AGPAT2: variants seen among roughly 807,000 people sequenced by gnomAD.
The protein encoded by AGPAT2 is 1-acylglycerol-3-phosphate O-acyltransferase 2.
AGPAT2 carries 18 observed loss-of-function variants against 26.1 expected under a neutral mutation model. The observed-to-expected ratio is 0.69, with a 90% CI of 0.48 to 1.02. The LOEUF (loss-of-function observed/expected upper bound fraction) is 1.02, where lower values mean the gene tolerates loss of function less well. Ranked by LOEUF, AGPAT2 falls within the 50% of genes least tolerant of loss-of-function variation. AGPAT2 has a pLI of 0.00. For synonymous variants in AGPAT2, 200 were observed against 174.2 expected, an observed-to-expected ratio of 1.15 and a Z score of -1.16; for missense variants, 415 against 394.9, an observed-to-expected ratio of 1.05 and a Z score of -0.43.
chr9:136,674,306 G>A (rs915938283), intron 5 of AGPAT2, among the ~76,000 whole-genome samples: 12 of 152,336 alleles, frequency 7.9e-5, no homozygotes, highest in Admixed American at 5.2e-4. Flanking sequence ...CCACTGTCCT[G>A]CCTGGGCACC....
rs1846043698 is a variant in AGPAT2 at position 136,673,743 on chromosome 9, T to C, written c.*9A>G. The C allele has an allele frequency of 6.4e-7, 1 of 1,573,508 alleles. No homozygotes were observed. On this transcript the variant is annotated 3_prime_UTR_variant, in exon 6 of 6. Coordinates refer to ENST00000371696, the MANE Select transcript of AGPAT2 (RefSeq NM_006412.4). ...GCCCTCCCCAGGTCATGCCCTGCCG[T>C]GGTCTGGGCTACTGGGCCGGCTGCA...
chr9:136,678,748 G>A (rs1157563373), intron 1 of AGPAT2, among the ~76,000 whole-genome samples: 2 of 151,962 alleles, frequency 1.3e-5, no homozygotes, highest in African/African-American at 4.8e-5. Context: ...GTTTTAACAG[G>A]GTCTTGCTCT....
At chr9:136,681,916 G>A (rs1039401631) in intron 1 of AGPAT2, among the ~76,000 whole-genome samples, 1 of 152,150 alleles carries the variant, frequency 6.6e-6, no homozygotes, top group African/African-American at 2.4e-5. Flanking sequence ...CGCCTTCTAA[G>A]CACAGAGGCC....
At chr9:136,685,980 C>G (rs1276083682) in intron 1 of AGPAT2, among the ~76,000 whole-genome samples, 1 of 152,240 alleles carries the variant, frequency 6.6e-6, no homozygotes, top group Non-Finnish European at 1.5e-5. Flanking sequence ...GTGTGCGCTC[C>G]CCGGGACCCC....
rs1003229436 is a variant in AGPAT2, at chr9:136,673,844, G to A, written c.745C>T (p.His249Tyr). The change falls in exon 6 of 6, where the codon CAC becomes TAC. Residue 249 changes from histidine (H) to tyrosine (Y), a missense_variant. His to Tyr is a moderately conservative substitution (Grantham distance 83). Coordinates refer to ENST00000371696, the MANE Select transcript of AGPAT2 (RefSeq NM_006412.4). ...AGGAAGGTGGTCCTCATGGCCCGGT[G>A]GCAGGTGTCCACGAGCGCAGGGACG... Reference protein sequence around the residue: ...ADVPALVDTCHRAMRTTFLHI... With the variant: ...ADVPALVDTCYRAMRTTFLHI... 4 of 1,606,450 alleles carry A rather than the reference G, an allele frequency of 2.5e-6. No homozygotes were observed. The highest frequency in any genetic ancestry group is 3.4e-6 in the Non-Finnish European group (4 of 1,178,156).
intron 1 of AGPAT2, among the ~76,000 whole-genome samples, chr9:136,680,754 C>T (rs1276135823): frequency 6.6e-6 from 1 of 151,986 alleles, no homozygotes; most frequent in African/African-American, 2.4e-5. Flanking sequence ...ACTGCCATTT[C>T]CACCTCCCGG....
At chr9:136,676,720 G>A (rs745966705) in intron 3 of AGPAT2, 40 bp from the exon 4 acceptor site, 3 of 1,591,000 alleles carry the variant, frequency 1.9e-6, no homozygotes, top group Non-Finnish European at 2.6e-6. Context: ...TCACGCCCAG[G>A]CCACCCCAGA....
rs765693486 is a variant in AGPAT2, at chr9:136,677,533, C to A, written c.206G>T (p.Ser69Ile). 1.2e-6 allele frequency: 2 copies of A among 1,612,910 alleles called. No homozygotes were observed. The highest frequency in any genetic ancestry group is 8.5e-7 in the Non-Finnish European group (1 of 1,179,930). Residue 69 changes from serine to isoleucine, a missense_variant, in exon 2 of 6, where the codon AGC (serine) becomes ATC (isoleucine). Coordinates refer to ENST00000371696, the MANE Select transcript of AGPAT2 (RefSeq NM_006412.4). ...NMSIIGWFVR[S>I]FKYFYGLRFE... ...GCGGAGCCCGTAAAAGTACTTGAAG[C>A]TTCGCACGAACCAGCCGATGATGCT...
intron 1 of AGPAT2, among the ~76,000 whole-genome samples, chr9:136,684,590 T>C (rs971506140): frequency 1.3e-5 from 2 of 152,054 alleles, no homozygotes; most frequent in African/African-American, 2.4e-5. Context: ...GGGCAGCCAT[T>C]GCTCAGGGGC....
chr9:136,673,515 T>G lies in AGPAT2; in HGVS notation c.*237A>C. On this transcript the variant is annotated 3_prime_UTR_variant, in exon 6 of 6. Transcript: ENST00000371696. ...ATCATCCCAGCTCCCAGAGGTGCCGTGGGCGCGAGTCCCTGCCCTCGAGCC... is the reference window on the plus strand; with the variant it reads ...ATCATCCCAGCTCCCAGAGGTGCCGGGGGCGCGAGTCCCTGCCCTCGAGCC... 1 of 414,206 alleles carries G rather than the reference T, an allele frequency of 2.4e-6. No homozygotes were observed. Among genetic ancestry groups the G allele is most frequent in the African/African-American group, 2.1e-5 (1 of 48,714 alleles). The allele number at this position is 414,206 out of a possible 1,614,324, so 25.7% of individuals were successfully genotyped here.
At chr9:136,685,464 T>C (rs1846210344) in intron 1 of AGPAT2, among the ~76,000 whole-genome samples, 2 of 152,230 alleles carry the variant, frequency 1.3e-5, no homozygotes, top group African/African-American at 4.8e-5. Context: ...CAGAGGCCCC[T>C]GCAGAACAAG....
At position 136,677,067 on chromosome 9, in the gene AGPAT2, A is replaced by G. The variant is rs755055909; in HGVS notation, c.386T>C (p.Val129Ala). 1.2e-6 allele frequency: 2 copies of G among 1,613,166 alleles called. No individual in the cohort carries two copies. Among genetic ancestry groups the G allele is most frequent in the East Asian group, 2.2e-5 (1 of 44,880 alleles). Residue 129 changes from valine (V) to alanine (A), a missense_variant, in exon 3 of 6, where the codon GTG (valine) becomes GCG (alanine). Val to Ala is a moderately conservative substitution (Grantham distance 64). Coordinates refer to ENST00000371696, the MANE Select transcript of AGPAT2 (RefSeq NM_006412.4). ...AKRELLFLGP[V>A]GLIMYLGGVF... ...GCCCCCGAGGTACATGATGAGGCCCACGGGCCCCAGGAAGAGCAGCTCCCG... is the reference window on the plus strand; with the variant it reads ...GCCCCCGAGGTACATGATGAGGCCCGCGGGCCCCAGGAAGAGCAGCTCCCG...
rs1413613607 is a variant in AGPAT2, at chr9:136,673,452, C to CT, written c.*299_*300insA. On this transcript the variant is annotated 3_prime_UTR_variant, in exon 6 of 6. Transcript: ENST00000371696. ...CTGGGCCATCGGGGGCCTTGTGGCT[C>CT]AGCCCACCAGCGGGCCACAGCCGCA... The CT allele has an allele frequency of 1.7e-5, 5 of 290,922 alleles. No individual in the cohort carries two copies. The highest frequency in any genetic ancestry group is 1.1e-4 in the African/African-American group (5 of 46,178). 18.0% of individuals were successfully genotyped at this position (290,922 alleles called of 1,614,324 possible). A position where few individuals can be genotyped will look rare whatever the true frequency, so the allele number is the denominator to read the frequency against.
chr9:136,674,697 G>A (rs751696572), intron 5 of AGPAT2, 38 bp downstream of exon 5: 7 of 1,370,060 alleles, frequency 5.1e-6, no homozygotes, highest in Non-Finnish European at 5.8e-6. Context: ...GTAGGGTCAG[G>A]CGGGGCCTAC....
intron 1 of AGPAT2, among the ~76,000 whole-genome samples, chr9:136,678,235 G>A (rs879548666): frequency 2.6e-5 from 4 of 152,188 alleles, no homozygotes; most frequent in Non-Finnish European, 5.9e-5. Context: ...GGCCACCTGA[G>A]CCCTGGCCAC....
intron 1 of AGPAT2, among the ~76,000 whole-genome samples, chr9:136,685,018 T>C (rs1846205031): frequency 1.3e-5 from 2 of 152,110 alleles, no homozygotes; most frequent in East Asian, 1.9e-4. Context: ...CTCTTAGCCA[T>C]TGCTGGGAGT....
chr9:136,674,069 G>A (rs751384599), intron 5 of AGPAT2, 142 bp from the exon 6 acceptor site: 1 of 764,826 alleles, frequency 1.3e-6, no homozygotes, highest in African/African-American at 1.8e-5. Context: ...GGACTCCCTA[G>A]CCGTGGTGGG....
At chr9:136,680,374 C>A (rs542070704) in intron 1 of AGPAT2, among the ~76,000 whole-genome samples, 144 of 152,272 alleles carry the variant, frequency 9.5e-4, no homozygotes, top group African/African-American at 3.3e-3. Context: ...TTACAGGTGC[C>A]TGCCACCAGG....
At chr9:136,681,929 C>T (rs1052441182) in intron 1 of AGPAT2, among the ~76,000 whole-genome samples, 4 of 152,172 alleles carry the variant, frequency 2.6e-5, no homozygotes, top group African/African-American at 9.7e-5. Context: ...CAGAGGCCCC[C>T]TGCACCTCCT....
Sources: gnomAD v4.1 joint callset for allele counts (sites outside exome capture counted in the v4.1 genomes callset) on GRCh38, gnomAD v4.1.1 for gene constraint, MANE v1.5 for transcripts, NCBI Gene and HGNC (gene_info 2026-07-23, HGNC 2026-07-21) for gene names.